Variants in CKAP5 observed in about 807,000 individuals in gnomAD.
CKAP5 encodes cytoskeleton-associated protein 5.
Under a neutral mutation model 232.8 loss-of-function variants are expected in CKAP5, and 27 were observed. The ratio of observed to expected loss-of-function variants is 0.12; its 90% CI spans 0.09 to 0.16. CKAP5 has a LOEUF of 0.16. CKAP5 is among the 10% of genes least tolerant of loss of function. The pLI is 1.00. For missense variants in CKAP5, 1,838 were observed against 2,424.7 expected (o/e 0.76, Z 5.08); for synonymous variants, 785 against 841.1 (o/e 0.93, Z 1.16).
intron 13 of CKAP5, among the ~76,000 whole-genome samples, chr11:46,791,048 C>T (rs1356441562): frequency 6.6e-6 from 1 of 152,102 alleles, no homozygotes; most frequent in Non-Finnish European, 1.5e-5. Flanking sequence ...TTTGTACCTA[C>T]AAAATTTAGC....
chr11:46,826,647 T>G (rs896577009), intron 1 of CKAP5: 5 of 152,376 alleles, frequency 3.3e-5, no homozygotes, highest in Non-Finnish European at 5.9e-5. Flanking sequence ...CGGCATTGTT[T>G]ACGCTCTTTC....
intron 4 of CKAP5, among the ~76,000 whole-genome samples, 168 bp from the exon 5 acceptor site, chr11:46,811,346 T>TA (rs1939270255): frequency 6.6e-6 from 1 of 152,242 alleles, no homozygotes; most frequent in Non-Finnish European, 1.5e-5. Flanking sequence ...GCTTACCTAC[T>TA]AAGGTGTTGT....
At chr11:46,766,806 A>G (rs1314412421) in intron 27 of CKAP5, among the ~76,000 whole-genome samples, 1 of 152,232 alleles carries the variant, frequency 6.6e-6, no homozygotes. Context: ...ACATTTGAAC[A>G]CACTGCTTTA....
intron 18 of CKAP5, among the ~76,000 whole-genome samples, chr11:46,781,197 A>G (rs2065338605): frequency 6.6e-6 from 1 of 152,178 alleles, no homozygotes; most frequent in African/African-American, 2.4e-5. Context: ...TTGTTCTTCC[A>G]GTTATTCAGG....
chr11:46,792,278 C>T (rs1234278890), intron 13 of CKAP5, among the ~76,000 whole-genome samples: 1 of 152,100 alleles, frequency 6.6e-6, no homozygotes, highest in Admixed American at 6.6e-5. Flanking sequence ...CGAGGCTGGG[C>T]ATGGTGGCTC....
intron 14 of CKAP5, 37 bp from the exon 15 acceptor site, chr11:46,790,223 C>A: frequency 7.2e-7 from 1 of 1,395,678 alleles, no homozygotes; most frequent in Non-Finnish European, 1.0e-6. Context: ...TTAGGAATTG[C>A]TTAAGGGAAC....
intron 33 of CKAP5, among the ~76,000 whole-genome samples, chr11:46,759,967 C>T (rs751321646): frequency 1.3e-5 from 2 of 152,202 alleles, no homozygotes; most frequent in African/African-American, 2.4e-5. Flanking sequence ...GCCAGCTTTA[C>T]ATCCAAGAAA....
intron 1 of CKAP5, among the ~76,000 whole-genome samples, chr11:46,829,721 A>G (rs1026172126): frequency 2.0e-5 from 3 of 152,208 alleles, no homozygotes; most frequent in Non-Finnish European, 4.4e-5. Flanking sequence ...CCCACTGCAC[A>G]GGGGGATCCC....
chr11:46,765,390 G>A, intron 27 of CKAP5, 134 bp from the exon 28 acceptor site: 1 of 769,564 alleles, frequency 1.3e-6, no homozygotes, highest in East Asian at 2.9e-5. Context: ...AAAAAAACAT[G>A]CATCACAGAA....
At chr11:46,818,613 T>C (rs1939459998) in intron 2 of CKAP5, 110 bp from the exon 3 acceptor site, 2 of 797,924 alleles carry the variant, frequency 2.5e-6, no homozygotes, top group Non-Finnish European at 1.8e-6. Flanking sequence ...CTATGTCAGG[T>C]AATGTAAACA....
chr11:46,783,424 CAGCAT>C, intron 17 of CKAP5, 56 bp from the exon 18 acceptor site: 3 of 1,112,140 alleles, frequency 2.7e-6, no homozygotes, highest in Non-Finnish European at 4.0e-6. Context: ...TATAGAAATA[CAGCAT>C]GACATTAAGG....
chr11:46,772,730 C>T (rs1023106200), intron 24 of CKAP5, among the ~76,000 whole-genome samples: 2 of 148,186 alleles, frequency 1.3e-5, no homozygotes, highest in African/African-American at 4.9e-5. Flanking sequence ...TAAAGTGATT[C>T]CTCTTTTTTT....
At position 46,762,209 on chromosome 11, in the gene CKAP5, G is replaced by T; in HGVS notation, c.4028-16C>A. On this transcript the variant is annotated splice_polypyrimidine_tract_variant and intron_variant, in intron 31 of 43. Transcript: ENST00000529230. Reference sequence around the variant, plus strand: ...TCCAGGCACTCTGATGGGGGAGAAAGGCTAGATTAATGAGACAACACATAT... The same window carrying T: ...TCCAGGCACTCTGATGGGGGAGAAATGCTAGATTAATGAGACAACACATAT... 1 of 1,610,394 alleles carries T rather than the reference G, an allele frequency of 6.2e-7. No individual in the cohort carries two copies. Among genetic ancestry groups the T allele is most frequent in the Non-Finnish European group, 8.5e-7 (1 of 1,177,650 alleles).
chr11:46,816,430 AT>A lies in CKAP5; in HGVS notation c.252-27del, dbSNP rs766916583. The A allele has an allele frequency of 7.5e-6, 12 of 1,595,572 alleles. No homozygotes were observed. The South Asian group carries it at 1.2e-4, about 16-fold the overall frequency. On this transcript the variant is annotated intron_variant, in intron 3 of 43. Coordinates refer to ENST00000529230, the MANE Select transcript of CKAP5 (RefSeq NM_001008938.4). ...CTGTAACATATTATAAAGAACAAAA[AT>A]CCCACTTAAGTAGTAAGAATTGGAA...
intron 26 of CKAP5, among the ~76,000 whole-genome samples, chr11:46,768,481 C>G (rs2065222811): frequency 6.6e-6 from 1 of 152,032 alleles, no homozygotes; most frequent in African/African-American, 2.4e-5. Context: ...CCAGCCCAGA[C>G]TGATACTTTC....
At chr11:46,758,714 GA>G (rs5791737) in intron 35 of CKAP5, 179,009 of 340,558 alleles carry the variant, frequency 0.53, 29,697 homozygotes, top group Admixed American at 0.58. Flanking sequence ...CTCAAAAGAG[GA>G]AAAAAAAAAA....
intron 4 of CKAP5, among the ~76,000 whole-genome samples, chr11:46,811,994 C>T (rs574471090): frequency 1.3e-5 from 2 of 152,214 alleles, no homozygotes; most frequent in South Asian, 4.1e-4. Flanking sequence ...TCTTTCTTTA[C>T]TTCAGTTTTC....
rs1239581106 is a variant in CKAP5 at position 46,777,566 on chromosome 11, G to A, written c.2749-14C>T. The stretch of plus-strand genomic sequence containing the variant: ...CGTTTGCTGTACCTGAGTGGAAAGA[G>A]CCAATACTTTATGTTGAAACGATAA... On this transcript the variant is annotated splice_polypyrimidine_tract_variant and intron_variant, in intron 22 of 43. Coordinates refer to ENST00000529230, the MANE Select transcript of CKAP5 (RefSeq NM_001008938.4). 1 of 1,539,862 alleles carries A rather than the reference G, an allele frequency of 6.5e-7. No homozygotes were observed. The highest frequency in any genetic ancestry group is 1.4e-5 in the African/African-American group (1 of 73,474).
chr11:46,789,996 G>T, intron 15 of CKAP5, 80 bp downstream of exon 15: 1 of 917,110 alleles, frequency 1.1e-6, no homozygotes, highest in Non-Finnish European at 1.7e-6. Context: ...CAGCAATTAG[G>T]ACAAATCCTT....
Sources: allele counts gnomAD v4.1 joint callset (sites outside exome capture counted in the v4.1 genomes callset), GRCh38; gene constraint gnomAD v4.1.1; transcripts MANE v1.5; gene names NCBI Gene and HGNC (gene_info 2026-07-23, HGNC 2026-07-21).